UBASH3B: variants seen among roughly 807,000 people sequenced by gnomAD.
The protein encoded by UBASH3B is ubiquitin-associated and SH3 domain-containing protein B.
UBASH3B carries 37 observed loss-of-function variants against 83.4 expected under a neutral mutation model. The observed-to-expected ratio is 0.44, with a 90% confidence interval of 0.34 to 0.58. The LOEUF (loss-of-function observed/expected upper bound fraction) is 0.58. Ranked by LOEUF, UBASH3B falls within the 20% of genes least tolerant of loss-of-function variation. UBASH3B has a pLI of 0.01. For synonymous variants in UBASH3B, 304 were observed against 318.3 expected (o/e 0.96, Z 0.48); for missense variants, 657 against 827.2 (o/e 0.79, Z 2.52).
At chr11:122,675,503 G>A (rs1468455558) in intron 1 of UBASH3B, among the ~76,000 whole-genome samples, 1 of 152,206 alleles carries the variant, frequency 6.6e-6, no homozygotes, top group Admixed American at 6.5e-5. Context: ...TGTTTGGTCT[G>A]AGACCATGTG....
intron 1 of UBASH3B, among the ~76,000 whole-genome samples, chr11:122,735,734 G>A (rs975261331): frequency 2.6e-5 from 4 of 152,192 alleles, no homozygotes; most frequent in African/African-American, 7.2e-5. Flanking sequence ...GGGAAGCCGA[G>A]TTCCAGGCAG....
At chr11:122,704,062 G>T (rs779731187) in intron 1 of UBASH3B, among the ~76,000 whole-genome samples, 1 of 152,194 alleles carries the variant, frequency 6.6e-6, no homozygotes, top group Non-Finnish European at 1.5e-5. Flanking sequence ...TGCCTGCGGC[G>T]GTGGGGCTTT....
chr11:122,726,467 A>G (rs567894322), intron 1 of UBASH3B, among the ~76,000 whole-genome samples: 37 of 150,264 alleles, frequency 2.5e-4, no homozygotes, highest in South Asian at 1.5e-3. Flanking sequence ...TTCCTGCCTC[A>G]GCCTCCCGAG....
At chr11:122,801,038 C>A (rs906112378) in intron 10 of UBASH3B, 150 bp from the exon 11 acceptor site, 6 of 944,880 alleles carry the variant, frequency 6.4e-6, no homozygotes, top group Non-Finnish European at 7.7e-6. Flanking sequence ...AAATTAAAAA[C>A]CTTGTCCAAA....
intron 1 of UBASH3B, among the ~76,000 whole-genome samples, chr11:122,698,126 G>A (rs1211943172): frequency 2.0e-5 from 3 of 152,192 alleles, no homozygotes; most frequent in African/African-American, 7.2e-5. Flanking sequence ...CAAATTAAGG[G>A]CAGAGCTGGG....
intron 3 of UBASH3B, among the ~76,000 whole-genome samples, chr11:122,777,635 G>A (rs544190703): frequency 7.3e-5 from 11 of 151,712 alleles, no homozygotes; most frequent in East Asian, 5.8e-4. Flanking sequence ...TTTTTTTCCC[G>A]CTATATATTT....
At chr11:122,697,703 A>C (rs1369508707) in intron 1 of UBASH3B, among the ~76,000 whole-genome samples, 2 of 152,188 alleles carry the variant, frequency 1.3e-5, no homozygotes, top group African/African-American at 2.4e-5. Flanking sequence ...ACAGCACCTC[A>C]GTACCTTGAT....
At chr11:122,690,941 C>T (rs750755038) in intron 1 of UBASH3B, among the ~76,000 whole-genome samples, 43 of 152,278 alleles carry the variant, frequency 2.8e-4, no homozygotes, top group Non-Finnish European at 4.9e-4. Context: ...CTCACTTCTG[C>T]GAAAGGCTGA....
intron 5 of UBASH3B, among the ~76,000 whole-genome samples, chr11:122,787,481 C>T (rs998643006): frequency 6.6e-6 from 1 of 152,190 alleles, no homozygotes; most frequent in African/African-American, 2.4e-5. Flanking sequence ...TGCACAATCA[C>T]TCTCATCCTC....
Position 122,779,454 on chromosome 11 carries a change from C to T in UBASH3B, c.403-43C>T, listed in dbSNP as rs777968381. Reference sequence around the variant, plus strand: ...ATGTTAAGTAGCAGCAGACTTCCATCTCCCCTTGTCTCTGAGTGAAGACTG... The same window carrying T: ...ATGTTAAGTAGCAGCAGACTTCCATTTCCCCTTGTCTCTGAGTGAAGACTG... On this transcript the variant is annotated intron_variant, in intron 3 of 13. Transcript: ENST00000284273. The T allele has an allele frequency of 4.4e-6, 7 of 1,607,488 alleles. No homozygotes were observed. In the African/African-American group the frequency reaches 6.7e-5, roughly 15 times the overall value.
chr11:122,797,853 G>A (rs2135176559), intron 9 of UBASH3B, among the ~76,000 whole-genome samples: 1 of 152,234 alleles, frequency 6.6e-6, no homozygotes, highest in Non-Finnish European at 1.5e-5. Context: ...GGAATGCAGG[G>A]GAAACAAAGT....
At chr11:122,664,769 T>TA (rs1480057162) in intron 1 of UBASH3B, among the ~76,000 whole-genome samples, 7 of 152,258 alleles carry the variant, frequency 4.6e-5, no homozygotes, top group Non-Finnish European at 1.0e-4. Context: ...TCTGAGCTCT[T>TA]ACTGTGCATG....
intron 1 of UBASH3B, among the ~76,000 whole-genome samples, chr11:122,720,473 G>A (rs2135943306): frequency 6.6e-6 from 1 of 152,310 alleles, no homozygotes; most frequent in South Asian, 2.1e-4. Flanking sequence ...TCCTTTCAAA[G>A]TGTAAGGCAG....
In UBASH3B at chr11:122,806,407, C is replaced by T; in HGVS notation, c.1596-3C>T. 6.3e-7 allele frequency: 1 copy of T among 1,598,966 alleles called. No individual in the cohort carries two copies. Among genetic ancestry groups the T allele is most frequent in the Non-Finnish European group, 8.5e-7 (1 of 1,174,900 alleles). ...ATTTCCTTTGTTCATTTTTCTATTA[C>T]AGACCTCACATTCCAATCAGCAAAT... On this transcript the variant is annotated splice_polypyrimidine_tract_variant and splice_region_variant and intron_variant, in intron 11 of 13. Coordinates refer to ENST00000284273, the MANE Select transcript of UBASH3B (RefSeq NM_032873.5). The surrounding 1 kb of genome is among the most constrained non-coding windows in gnomAD (Gnocchi z 4.0).
intron 1 of UBASH3B, among the ~76,000 whole-genome samples, chr11:122,694,919 T>G (rs900933592): frequency 2.0e-5 from 3 of 150,642 alleles, no homozygotes; most frequent in Non-Finnish European, 4.4e-5. Context: ...GCTTTATTTT[T>G]ATTTTATTTT....
intron 7 of UBASH3B, among the ~76,000 whole-genome samples, chr11:122,795,385 T>C (rs10892904): frequency 0.24 from 36,592 of 151,970 alleles, 5,132 homozygotes; most frequent in East Asian, 0.41. Context: ...GGAAGGATCA[T>C]GCCACCGTTC....
chr11:122,743,341 A>G (rs1258917497), intron 1 of UBASH3B, among the ~76,000 whole-genome samples: 1 of 152,126 alleles, frequency 6.6e-6, no homozygotes, highest in Non-Finnish European at 1.5e-5. Context: ...CAGCCTCTCA[A>G]GTAGCTGGGA....
intron 1 of UBASH3B, among the ~76,000 whole-genome samples, chr11:122,660,385 A>T (rs1294768859): frequency 6.6e-6 from 1 of 152,182 alleles, no homozygotes; most frequent in Admixed American, 6.5e-5. Context: ...TTCTATGCCC[A>T]CTAGCACTTC....
At chr11:122,803,070 G>T (rs1193072617) in intron 11 of UBASH3B, among the ~76,000 whole-genome samples, 1 of 152,220 alleles carries the variant, frequency 6.6e-6, no homozygotes, top group Non-Finnish European at 1.5e-5. Context: ...TGAGCAGAAG[G>T]ATGAATGCCA....
Sources: gnomAD v4.1 joint callset for allele counts (sites outside exome capture counted in the v4.1 genomes callset) on GRCh38, gnomAD v4.1.1 for gene constraint, Gnocchi (gnomAD v3.1) non-coding constraint, MANE v1.5 for transcripts, NCBI Gene and HGNC (gene_info 2026-07-23, HGNC 2026-07-21) for gene names.